The following AIG1 variants were observed in gnomAD, a reference collection of about 807,000 sequenced individuals.
AIG1 encodes androgen-induced gene 1 protein.
Under a neutral mutation model 31.4 loss-of-function variants are expected in AIG1, and 23 were observed. That is an observed-to-expected ratio of 0.73 (90% CI 0.53 to 1.04). The LOEUF (loss-of-function observed/expected upper bound fraction) is 1.04. AIG1 is among the 50% of genes least tolerant of loss of function. The pLI is 0.00. For missense variants in AIG1, 274 were observed against 295.0 expected (o/e 0.93, Z 0.52); for synonymous variants, 100 against 110.5 (o/e 0.90, Z 0.60).
intron 4 of AIG1, among the ~76,000 whole-genome samples, chr6:143,307,719 G>A (rs1323731578): frequency 6.6e-6 from 1 of 152,194 alleles, no homozygotes; most frequent in Non-Finnish European, 1.5e-5. Flanking sequence ...GAGAACCACT[G>A]CTCTCTTCAA....
rs1777007565 is a variant in AIG1, at chr6:143,330,706, G to A, written c.516-2576G>A. 6.6e-6 allele frequency among the ~76,000 whole-genome samples: 1 copy of A among 152,138 alleles called. No individual in the cohort carries two copies. The highest frequency in any genetic ancestry group is 2.1e-4 in the South Asian group (1 of 4,828). On this transcript the variant is annotated intron_variant, in intron 4 of 5. Coordinates refer to ENST00000357847, the MANE Select transcript of AIG1 (RefSeq NM_016108.4). The surrounding 1 kb of genome is among the most constrained non-coding windows in gnomAD (Gnocchi z 4.4). ...ACTGCTCCAGTGCAAACACCCTGTA[G>A]CACAGACTGATTAAAATTTTATAAG...
At chr6:143,188,228 G>A in intron 3 of AIG1, 1 of 989,038 alleles carries the variant, frequency 1.0e-6, no homozygotes, top group Middle Eastern at 5.2e-4. Context: ...CTAGGAGAGG[G>A]GCGTTTCTTT....
intron 3 of AIG1, among the ~76,000 whole-genome samples, chr6:143,214,379 T>G (rs1296028648): frequency 4.6e-5 from 7 of 152,240 alleles, no homozygotes; most frequent in African/African-American, 1.7e-4. Context: ...CTCAGTTACC[T>G]CTTCTGTAAG....
intron 2 of AIG1, among the ~76,000 whole-genome samples, chr6:143,151,976 A>G (rs1398176830): frequency 6.6e-6 from 1 of 152,228 alleles, no homozygotes; most frequent in Non-Finnish European, 1.5e-5. Flanking sequence ...AAAGCTGGTG[A>G]TGCATTATTG....
At chr6:143,061,435 C>G (rs1280035967) in intron 1 of AIG1, 1 of 378,870 alleles carries the variant, frequency 2.6e-6, no homozygotes, top group Non-Finnish European at 5.2e-6. Flanking sequence ...TGGCCTGAGA[C>G]CCATTCGCCC....
chr6:143,202,260 C>G (rs1048835175), intron 3 of AIG1, among the ~76,000 whole-genome samples: 2 of 152,104 alleles, frequency 1.3e-5, no homozygotes, highest in East Asian at 1.9e-4. Context: ...GTGGGCCTGC[C>G]TTTTAAAATT....
At chr6:143,178,436 G>A (rs1392239448) in intron 3 of AIG1, among the ~76,000 whole-genome samples, 1 of 152,190 alleles carries the variant, frequency 6.6e-6, no homozygotes, top group Non-Finnish European at 1.5e-5. Context: ...TGGTTTCCAG[G>A]TAGCTCCCTA....
In AIG1 at chr6:143,284,006, C is replaced by A; in HGVS notation, c.400-104C>A. The A allele has an allele frequency of 1.3e-6, 1 of 743,396 alleles. No homozygotes were observed. Among genetic ancestry groups the A allele is most frequent in the Non-Finnish European group, 2.2e-6 (1 of 460,316 alleles). The allele number at this position is 743,396 out of a possible 1,614,324, so 46.0% of individuals were successfully genotyped here. On this transcript the variant is annotated intron_variant, in intron 3 of 5. Transcript: ENST00000357847. The surrounding 1 kb of genome is among the most constrained non-coding windows in gnomAD (Gnocchi z 4.4). ...GAGCCATAGACTTCTTTCTGCCTGA[C>A]ACTTTCCTAGGAATTTATAGTGTGC...
chr6:143,062,381 C>T lies in AIG1; in HGVS notation c.141+1315C>T, dbSNP rs1318462320. Among the ~76,000 whole-genome samples, 4 of 152,244 alleles carry T rather than the reference C, an allele frequency of 2.6e-5. No homozygotes were observed. The East Asian group carries it at 7.7e-4, about 29-fold the overall frequency. On this transcript the variant is annotated intron_variant, in intron 1 of 5. Transcript: ENST00000357847. Reference sequence around the variant, plus strand: ...TGAAACTAATTTCCCTCTGAACATGCGTGATGCCTGCCAGTTCTCCTTTCA... The same window carrying T: ...TGAAACTAATTTCCCTCTGAACATGTGTGATGCCTGCCAGTTCTCCTTTCA...
At chr6:143,098,395 G>A (rs575366567) in intron 1 of AIG1, among the ~76,000 whole-genome samples, 1 of 152,248 alleles carries the variant, frequency 6.6e-6, no homozygotes, top group East Asian at 1.9e-4. Flanking sequence ...CCTTTCTTCT[G>A]ACCATTCTGG....
At chr6:143,201,370 T>G (rs558913554) in intron 3 of AIG1, among the ~76,000 whole-genome samples, 1 of 151,838 alleles carries the variant, frequency 6.6e-6, no homozygotes, top group East Asian at 1.9e-4. Context: ...AAAAAAAAAA[T>G]CTTAAAAATT....
In AIG1 at chr6:143,244,675, A is replaced by G. The variant is rs528661510; in HGVS notation, c.400-39435A>G. Among the ~76,000 whole-genome samples, 19 of 152,366 alleles carry G rather than the reference A, an allele frequency of 1.2e-4. No individual in the cohort carries two copies. In the South Asian group the frequency reaches 2.9e-3, roughly 23 times the overall value. On this transcript the variant is annotated intron_variant, in intron 3 of 5. Coordinates refer to ENST00000357847, the MANE Select transcript of AIG1 (RefSeq NM_016108.4). The stretch of plus-strand genomic sequence containing the variant: ...AACAAAACACTGTGAGCATCAAGGT[A>G]TAGTCTGGAGAGCTGATTTAACTGC...
In AIG1 at chr6:143,292,502, G is replaced by A. The variant is rs1417602205; in HGVS notation, c.515+8277G>A. 1.3e-5 allele frequency among the ~76,000 whole-genome samples: 2 copies of A among 152,162 alleles called. No individual in the cohort carries two copies. Among genetic ancestry groups the A allele is most frequent in the African/African-American group, 2.4e-5 (1 of 41,436 alleles). ...CACGGAACAAGGGCCCCCTCTAGAA[G>A]CCGAAAAAGGCAAGGAAAGGGATTC... On this transcript the variant is annotated intron_variant, in intron 4 of 5. Transcript: ENST00000357847. This position sits in a 1 kb window ranked among gnomAD's most constrained non-coding sequence, Gnocchi z 4.9.
intron 3 of AIG1, among the ~76,000 whole-genome samples, chr6:143,235,848 T>G (rs1793765855): frequency 6.6e-6 from 1 of 152,202 alleles, no homozygotes; most frequent in Non-Finnish European, 1.5e-5. Flanking sequence ...CTACTGATAA[T>G]AAACTGGAGG....
At chr6:143,187,471 T>C in intron 3 of AIG1, 1 of 1,535,668 alleles carries the variant, frequency 6.5e-7, no homozygotes, top group Middle Eastern at 1.7e-4. Context: ...CACTCGACAC[T>C]CTGCTCAATT....
intron 3 of AIG1, among the ~76,000 whole-genome samples, chr6:143,192,205 A>G (rs1379609597): frequency 6.6e-6 from 1 of 152,256 alleles, no homozygotes; most frequent in East Asian, 1.9e-4. Context: ...GAGAAGCAGC[A>G]GCCATTCTCT....
Position 143,334,978 on chromosome 6 carries a change from A to G in AIG1, c.679+1533A>G. The G allele has an allele frequency of 2.3e-6, 2 of 873,228 alleles. No individual in the cohort carries two copies. The highest frequency in any genetic ancestry group is 3.1e-5 in the South Asian group (1 of 32,244). 54.1% of individuals were successfully genotyped at this position (873,228 alleles called of 1,614,324 possible). A position where few individuals can be genotyped will look rare whatever the true frequency, so the allele number is the denominator to read the frequency against. On this transcript the variant is annotated intron_variant, in intron 5 of 5. Coordinates refer to ENST00000357847, the MANE Select transcript of AIG1 (RefSeq NM_016108.4). The surrounding 1 kb of genome is among the most constrained non-coding windows in gnomAD (Gnocchi z 5.1). ...GAATAATGAAATTAAGGTTTTTTGA[A>G]TGATTTGTTTAATTTATGCCATTCT...
At chr6:143,218,955 G>C (rs971455953) in intron 3 of AIG1, among the ~76,000 whole-genome samples, 8 of 152,070 alleles carry the variant, frequency 5.3e-5, no homozygotes, top group Non-Finnish European at 1.0e-4. Context: ...CTAGACCCTG[G>C]CTGAAACATC....
chr6:143,188,746 C>T, intron 3 of AIG1: 7 of 985,358 alleles, frequency 7.1e-6, no homozygotes, highest in Non-Finnish European at 8.4e-6. Context: ...TTTAAAGATT[C>T]TAATAATCTC....
Sources: gnomAD v4.1 joint callset for allele counts (sites outside exome capture counted in the v4.1 genomes callset) on GRCh38, gnomAD v4.1.1 for gene constraint, Gnocchi (gnomAD v3.1) non-coding constraint, MANE v1.5 for transcripts, NCBI Gene and HGNC (gene_info 2026-07-23, HGNC 2026-07-21) for gene names.